The following SUV39H2 variants were observed in gnomAD, a reference collection of about 807,000 sequenced individuals.
The protein encoded by SUV39H2 is SUV39H2 histone lysine methyltransferase.
A neutral mutation model predicts 47.5 loss-of-function variants in SUV39H2; 10 were observed. That is an observed-to-expected ratio of 0.21 (90% CI 0.13 to 0.36). The LOEUF (loss-of-function observed/expected upper bound fraction) is 0.36, where lower values mean the gene tolerates loss of function less well. Ranked by LOEUF, SUV39H2 falls within the 10% of genes least tolerant of loss-of-function variation. The pLI, the probability that SUV39H2 is intolerant of heterozygous loss-of-function variation, is 1.00. For synonymous variants in SUV39H2, 159 were observed against 166.8 expected (o/e 0.95, Z 0.36); for missense variants, 266 against 487.4 (o/e 0.55, Z 4.28).
At chr10:14,892,701 A>C (rs1441946915) in intron 2 of SUV39H2, among the ~76,000 whole-genome samples, 3 of 152,146 alleles carry the variant, frequency 2.0e-5, no homozygotes, top group African/African-American at 7.2e-5. Flanking sequence ...TTACTCCTAA[A>C]GGCTAGTAAT....
intron 1 of SUV39H2, 108 bp from the exon 2 acceptor site, chr10:14,881,392 G>T: frequency 2.1e-6 from 2 of 955,712 alleles, no homozygotes; most frequent in South Asian, 4.4e-5. Context: ...GGAATTTTTA[G>T]TCTAAAATTG....
At position 14,902,404 on chromosome 10, in the gene SUV39H2, A is replaced by G; in HGVS notation, c.1127-2A>G. ...CCTATATTTCTTTTTCTGTGTCTTC[A>G]GGTTCTGGAGATATATCTTCAGATT... On this transcript the variant is annotated splice_acceptor_variant, in intron 5 of 5. Coordinates refer to ENST00000354919, the MANE Select transcript of SUV39H2 (RefSeq NM_001193424.2). LOFTEE classifies it high-confidence loss of function. The G allele has an allele frequency of 6.3e-7, 1 of 1,591,080 alleles. No individual in the cohort carries two copies. Among genetic ancestry groups the G allele is most frequent in the Non-Finnish European group, 8.6e-7 (1 of 1,168,158 alleles).
At chr10:14,879,679 C>A (rs1268018510) in intron 1 of SUV39H2, 2 of 152,120 alleles carry the variant, frequency 1.3e-5, no homozygotes, top group Admixed American at 6.5e-5. Flanking sequence ...GGAACTTTTC[C>A]GTGCGTTCCG....
At chr10:14,901,977 G>T (rs1834055462) in intron 5 of SUV39H2, among the ~76,000 whole-genome samples, 1 of 152,092 alleles carries the variant, frequency 6.6e-6, no homozygotes. Flanking sequence ...TTGCTTTATT[G>T]TGACAATATA....
intron 2 of SUV39H2, among the ~76,000 whole-genome samples, chr10:14,888,634 CAAAAA>C (rs368463041): frequency 7.7e-6 from 1 of 129,752 alleles, no homozygotes; most frequent in Non-Finnish European, 1.7e-5. Context: ...GACTCGGTCT[CAAAAA>C]AAAAAAGAAA....
intron 2 of SUV39H2, among the ~76,000 whole-genome samples, chr10:14,889,480 A>C (rs1296990568): frequency 6.6e-6 from 1 of 152,190 alleles, no homozygotes; most frequent in African/African-American, 2.4e-5. Flanking sequence ...TTTAAATGCT[A>C]GTGAGAACCA....
At chr10:14,883,806 A>C (rs1833121135) in intron 2 of SUV39H2, among the ~76,000 whole-genome samples, 1 of 151,870 alleles carries the variant, frequency 6.6e-6, no homozygotes, top group Non-Finnish European at 1.5e-5. Context: ...GAAACAGTAA[A>C]CCCCTTAGCT....
At chr10:14,888,958 C>A (rs927478521) in intron 2 of SUV39H2, among the ~76,000 whole-genome samples, 3 of 152,102 alleles carry the variant, frequency 2.0e-5, no homozygotes, top group Admixed American at 2.0e-4. Context: ...ACAAAATTAG[C>A]CGGGCGTGGT....
At chr10:14,882,550 A>G (rs1833070321) in intron 2 of SUV39H2, among the ~76,000 whole-genome samples, 1 of 152,210 alleles carries the variant, frequency 6.6e-6, no homozygotes, top group Non-Finnish European at 1.5e-5. Context: ...CCAGCTGAGA[A>G]TATTATACAA....
At chr10:14,878,946 C>T in intron 1 of SUV39H2, 27 bp downstream of exon 1, 3 of 1,444,008 alleles carry the variant, frequency 2.1e-6, no homozygotes, top group Non-Finnish European at 1.8e-6. Context: ...GCCCCCTCGC[C>T]TTCCCTGTTC....
intron 2 of SUV39H2, among the ~76,000 whole-genome samples, chr10:14,885,919 A>G (rs543351842): frequency 1.3e-5 from 2 of 152,320 alleles, no homozygotes; most frequent in South Asian, 2.1e-4. Context: ...ATTGCATTCA[A>G]GCCTTGCTTT....
At chr10:14,899,122 C>T in intron 3 of SUV39H2, 1 of 657,454 alleles carries the variant, frequency 1.5e-6, no homozygotes, top group Non-Finnish European at 2.8e-6. Flanking sequence ...GAGTTCCAGA[C>T]CAGTGTGGGC....
Position 14,899,604 on chromosome 10 carries a change from CTT to C in SUV39H2, c.917_918del (p.Phe306Ter). On this transcript the variant is annotated frameshift_variant, in exon 4 of 6. Coordinates refer to ENST00000354919, the MANE Select transcript of SUV39H2 (RefSeq NM_001193424.2). LOFTEE classifies it high-confidence loss of function. The part of the protein sequence containing the change: ...FYDNKGITYL[F>X]DLDYESDEFT... ...ATGACAACAAGGGAATCACGTATCT[CTT>C]TGATCTGGACTATGAGTCTGATGAA... 1 of 1,614,102 alleles carries C rather than the reference CTT, an allele frequency of 6.2e-7. No homozygotes were observed.
At chr10:14,880,543 C>T (rs1564332902) in intron 1 of SUV39H2, among the ~76,000 whole-genome samples, 1 of 152,156 alleles carries the variant, frequency 6.6e-6, no homozygotes, top group Non-Finnish European at 1.5e-5. Flanking sequence ...GGTGACCGAG[C>T]GATGGGTAGT....
intron 3 of SUV39H2, chr10:14,898,983 T>G (rs1833798141): frequency 4.1e-6 from 2 of 489,324 alleles, no homozygotes; most frequent in Non-Finnish European, 7.2e-6. Flanking sequence ...TTGAACATCC[T>G]AATTATAATG....
intron 1 of SUV39H2, among the ~76,000 whole-genome samples, chr10:14,880,629 C>T (rs1833013932): frequency 1.3e-5 from 2 of 152,168 alleles, no homozygotes; most frequent in African/African-American, 4.8e-5. Flanking sequence ...TTTTCCTAAA[C>T]GTGTTAATTT....
chr10:14,897,338 A>G lies in SUV39H2; in HGVS notation c.670A>G (p.Thr224Ala). ...KNQQIKIPPGTPIYECNSRCQ... is the reference protein window; with the variant it reads ...KNQQIKIPPGAPIYECNSRCQ... ...CCAACAAATTAAAATCCCACCTGGT[A>G]CTCCCATCTATGAATGCAACTCAAG... The change falls in exon 3 of 6, where the codon ACT becomes GCT. Residue 224 changes from threonine to alanine, a missense_variant. Thr to Ala is a moderately conservative substitution (Grantham distance 58). This residue lies in a region of SUV39H2 where 112 missense variants were observed against 271.9 expected (regional missense o/e 0.41). Coordinates refer to ENST00000354919, the MANE Select transcript of SUV39H2 (RefSeq NM_001193424.2). 1.2e-6 allele frequency: 2 copies of G among 1,612,906 alleles called. No homozygotes were observed. The highest frequency in any genetic ancestry group is 1.7e-6 in the Non-Finnish European group (2 of 1,179,828).
At chr10:14,890,284 G>C (rs571165764) in intron 2 of SUV39H2, among the ~76,000 whole-genome samples, 2 of 152,204 alleles carry the variant, frequency 1.3e-5, no homozygotes, top group Non-Finnish European at 2.9e-5. Flanking sequence ...GTCTAACCCA[G>C]CTATCACAAT....
chr10:14,898,073 A>G (rs1196682523), intron 3 of SUV39H2: 2 of 149,898 alleles, frequency 1.3e-5, no homozygotes, highest in Non-Finnish European at 2.9e-5. Flanking sequence ...ATTTATTTGT[A>G]TACAAATCAT....
Sources: allele counts gnomAD v4.1 joint callset (sites outside exome capture counted in the v4.1 genomes callset), GRCh38; gene constraint gnomAD v4.1.1; regional missense constraint gnomAD v4.1.1; transcripts MANE v1.5; gene names NCBI Gene and HGNC (gene_info 2026-07-23, HGNC 2026-07-21).